The following ZDHHC15 variants were observed in gnomAD, a reference collection of about 807,000 sequenced individuals.
ZDHHC15 encodes the protein zDHHC palmitoyltransferase 15.
Under a neutral mutation model 31.7 loss-of-function variants are expected in ZDHHC15, and 19 were observed. That is an observed-to-expected ratio of 0.60 (90% confidence interval 0.42 to 0.88). The LOEUF (loss-of-function observed/expected upper bound fraction) is 0.88, where lower values mean the gene tolerates loss of function less well. Among genes scored for constraint, ZDHHC15 ranks in the 40% least tolerant of loss-of-function variants. ZDHHC15 has a pLI of 0.00. For synonymous variants in ZDHHC15, 103 were observed against 90.0 expected, an observed-to-expected ratio of 1.14 and a Z score of -0.82; for missense variants, 209 against 251.2, an observed-to-expected ratio of 0.83 and a Z score of 1.14.
chrX:75,479,102 T>C, intron 2 of ZDHHC15, 117 bp from the exon 3 acceptor site: 1 of 464,365 alleles, frequency 2.2e-6, no homozygotes, highest in Non-Finnish European at 3.4e-6. Flanking sequence ...TATTCTCTGG[T>C]ATTATTATGA....
intron 10 of ZDHHC15, among the ~76,000 whole-genome samples, chrX:75,383,385 T>C (rs911362620): frequency 1.8e-5 from 2 of 112,022 alleles, no homozygotes; most frequent in Non-Finnish European, 3.8e-5. Flanking sequence ...AGTTCCCATC[T>C]AGTCCCCAAA....
At chrX:75,383,519 C>T (rs1311375003) in intron 10 of ZDHHC15, among the ~76,000 whole-genome samples, 1 of 110,594 alleles carries the variant, frequency 9.0e-6, no homozygotes, top group African/African-American at 3.3e-5. Context: ...AATACAGATC[C>T]TATCTAGTCT....
intron 3 of ZDHHC15, among the ~76,000 whole-genome samples, chrX:75,458,588 C>T (rs193302107): frequency 2.7e-5 from 3 of 110,841 alleles, no homozygotes; most frequent in South Asian, 3.8e-4. Context: ...CCTAGTGGTG[C>T]GTTTTTATGG....
At chrX:75,473,606 G>A (rs2084539751) in intron 3 of ZDHHC15, among the ~76,000 whole-genome samples, 1 of 111,187 alleles carries the variant, frequency 9.0e-6, no homozygotes, top group South Asian at 3.8e-4. Context: ...TGGGGTGACT[G>A]ACCCAGACTA....
intron 4 of ZDHHC15, among the ~76,000 whole-genome samples, chrX:75,433,322 T>G (rs2083804110): frequency 9.0e-6 from 1 of 110,809 alleles, no homozygotes; most frequent in South Asian, 3.9e-4. Context: ...ACAGGTGGTG[T>G]TTGGTTACAT....
In ZDHHC15 at chrX:75,398,754, G is replaced by T. The variant is rs747791790; in HGVS notation, c.967+18333C>A. ...GCACTCCCACAGGGAGGGGTGGGCT[G>T]CCATCATTGCTCTTTGGGCATCTTA... On this transcript the variant is annotated intron_variant, in intron 10 of 11. Coordinates refer to ENST00000373367, the MANE Select transcript of ZDHHC15 (RefSeq NM_144969.3). Among the ~76,000 whole-genome samples the T allele has an allele frequency of 1.1e-4, 12 of 110,847 alleles. No homozygotes were observed. In the East Asian group the frequency reaches 3.5e-3, roughly 32 times the overall value.
chrX:75,473,291 A>G lies in ZDHHC15; in HGVS notation c.258+5600T>C, dbSNP rs139128514. ...TCTCCAGAAGGCCGTGTATGCTTTC[A>G]ATCAGCATCCAATATATGGTACTCT... On this transcript the variant is annotated intron_variant, in intron 3 of 11. Coordinates refer to ENST00000373367, the MANE Select transcript of ZDHHC15 (RefSeq NM_144969.3). 2.8e-3 allele frequency among the ~76,000 whole-genome samples: 314 copies of G among 111,890 alleles called. 1 individual carries two copies. The highest frequency in any genetic ancestry group is 9.7e-3 in the African/African-American group (299 of 30,843).
chrX:75,450,957 C>A (rs753844604), intron 3 of ZDHHC15, 35 bp from the exon 4 acceptor site: 1 of 1,180,642 alleles, frequency 8.5e-7, no homozygotes, highest in East Asian at 3.0e-5. Context: ...ACTTTATTAT[C>A]TAAAGTTAAT....
rs1019978844 is a variant in ZDHHC15 at position 75,492,951 on chromosome X, TAGAG to T, written c.163+12866_163+12869del. Among the ~76,000 whole-genome samples, 15 of 110,818 alleles carry T rather than the reference TAGAG, an allele frequency of 1.4e-4. No individual in the cohort carries two copies. In the South Asian group the frequency reaches 3.8e-3, roughly 28 times the overall value. ...AAGATCAGAGCAGAACTGAAGGAAATAGAGAGACAAAAAAATCCTTCAAAAAATC... is the reference window on the plus strand; with the variant it reads ...AAGATCAGAGCAGAACTGAAGGAAATAGACAAAAAAATCCTTCAAAAAATC... On this transcript the variant is annotated intron_variant, in intron 2 of 11. Coordinates refer to ENST00000373367, the MANE Select transcript of ZDHHC15 (RefSeq NM_144969.3).
intron 11 of ZDHHC15, among the ~76,000 whole-genome samples, chrX:75,376,015 T>G (rs975699297): frequency 8.9e-6 from 1 of 111,784 alleles, no homozygotes; most frequent in Non-Finnish European, 1.9e-5. Context: ...TAATTTACAT[T>G]CCCATCAACA....
At chrX:75,447,899 G>A (rs1476142378) in intron 4 of ZDHHC15, among the ~76,000 whole-genome samples, 1 of 111,361 alleles carries the variant, frequency 9.0e-6, no homozygotes, top group Non-Finnish European at 1.9e-5. Flanking sequence ...CAGGTGCAAT[G>A]TTGGCTGGGA....
chrX:75,416,603 T>A lies in ZDHHC15; in HGVS notation c.967+484A>T, dbSNP rs189956860. 2.7e-5 allele frequency among the ~76,000 whole-genome samples: 3 copies of A among 112,066 alleles called. No individual in the cohort carries two copies. The East Asian group carries it at 8.4e-4, about 31-fold the overall frequency. On this transcript the variant is annotated intron_variant, in intron 10 of 11. Transcript: ENST00000373367. ...TATTTTCCTTTGCCCCTCTTCCTTTTAGAAAAGTAGACTACATGCATGTGT... is the reference window on the plus strand; with the variant it reads ...TATTTTCCTTTGCCCCTCTTCCTTTAAGAAAAGTAGACTACATGCATGTGT...
chrX:75,432,444 C>T (rs2083792160), intron 4 of ZDHHC15, among the ~76,000 whole-genome samples: 1 of 112,027 alleles, frequency 8.9e-6, no homozygotes, highest in South Asian at 3.7e-4. Context: ...TTTACTTCCA[C>T]TAATGGAAGT....
chrX:75,501,437 T>TA (rs772981695), intron 2 of ZDHHC15: 1 of 111,560 alleles, frequency 9.0e-6, no homozygotes, highest in Non-Finnish European at 1.9e-5. Context: ...GTCTTTATGG[T>TA]AAAATGATTT....
intron 3 of ZDHHC15, among the ~76,000 whole-genome samples, chrX:75,451,638 C>T (rs1339214840): frequency 9.0e-6 from 1 of 111,578 alleles, no homozygotes; most frequent in Non-Finnish European, 1.9e-5. Context: ...AGGTTTAAGT[C>T]TCATCTCTAT....
At chrX:75,475,427 T>G (rs957775083) in intron 3 of ZDHHC15, among the ~76,000 whole-genome samples, 4 of 112,087 alleles carry the variant, frequency 3.6e-5, no homozygotes, top group Non-Finnish European at 7.5e-5. Flanking sequence ...TCTACGTCAT[T>G]ATTTTGGATA....
intron 10 of ZDHHC15, among the ~76,000 whole-genome samples, chrX:75,395,112 C>T (rs916788252): frequency 9.0e-6 from 1 of 111,104 alleles, no homozygotes; most frequent in Non-Finnish European, 1.9e-5. Context: ...TCCTGAATTA[C>T]CAGTAGATCA....
At chrX:75,390,689 G>A (rs942331942) in intron 10 of ZDHHC15, among the ~76,000 whole-genome samples, 7 of 111,192 alleles carry the variant, frequency 6.3e-5, no homozygotes, top group African/African-American at 2.0e-4. Flanking sequence ...AATGATCAAA[G>A]ACTTAGATCA....
Position 75,504,437 on chromosome X carries a change from C to A in ZDHHC15, c.163+1384G>T, listed in dbSNP as rs879004908. 1.6e-4 allele frequency among the ~76,000 whole-genome samples: 18 copies of A among 111,470 alleles called. 1 individual carries two copies. In the Middle Eastern group the frequency reaches 0.014, roughly 86 times the overall value. ...TAATTTGAAGATGAGCAACTGTGGA[C>A]AATGCATTATTCTTGATTATATGTG... is the stretch of plus-strand genomic sequence containing the variant. On this transcript the variant is annotated intron_variant, in intron 2 of 11. Transcript: ENST00000373367.
Sources: allele counts gnomAD v4.1 joint callset (sites outside exome capture counted in the v4.1 genomes callset), GRCh38; gene constraint gnomAD v4.1.1; transcripts MANE v1.5; gene names NCBI Gene and HGNC (gene_info 2026-07-23, HGNC 2026-07-21).